The following INPP4B variants were observed in gnomAD, a reference collection of about 807,000 sequenced individuals.
INPP4B encodes inositol polyphosphate 4-phosphatase type II.
A neutral mutation model predicts 122.5 loss-of-function variants in INPP4B; 55 were observed. The observed-to-expected ratio is 0.45, with a 90% CI of 0.36 to 0.56. The LOEUF (loss-of-function observed/expected upper bound fraction) is 0.56. INPP4B is among the 20% of genes least tolerant of loss of function. The probability of loss-of-function intolerance (pLI) is 0.00; values close to 1 mark genes in which losing one functional copy is unlikely to be tolerated. For missense variants in INPP4B, 1,000 were observed against 1,097.7 expected, an observed-to-expected ratio of 0.91 and a Z score of 1.26; for synonymous variants, 403 against 388.7, an observed-to-expected ratio of 1.04 and a Z score of -0.43.
intron 2 of INPP4B, among the ~76,000 whole-genome samples, chr4:142,668,771 G>C (rs761843717): frequency 1.3e-5 from 2 of 152,092 alleles, no homozygotes; most frequent in Non-Finnish European, 2.9e-5. Context: ...GATCATGGCT[G>C]GGCGTGGTGG....
In INPP4B at chr4:142,193,212, C is replaced by A. The variant is rs1453707165; in HGVS notation, c.1073-17G>T. 4.1e-6 allele frequency: 6 copies of A among 1,460,128 alleles called. No individual in the cohort carries two copies. Among genetic ancestry groups the A allele is most frequent in the Non-Finnish European group, 5.8e-6 (6 of 1,040,832 alleles). 90.4% of individuals were successfully genotyped at this position (1,460,128 alleles called of 1,614,324 possible). ...AGAGAGCATCTGGAGTAGAAACAGA[C>A]AAGGAGATGAACACTTTGCAAACAT... On this transcript the variant is annotated splice_polypyrimidine_tract_variant and intron_variant, in intron 14 of 25. Transcript: ENST00000262992.
chr4:142,171,750 G>A (rs1335534318), intron 16 of INPP4B, among the ~76,000 whole-genome samples: 1 of 151,870 alleles, frequency 6.6e-6, no homozygotes, highest in Non-Finnish European at 1.5e-5. Context: ...GACTAAGCTT[G>A]TCTACTCAGT....
chr4:142,191,991 CA>C (rs1183820596), intron 15 of INPP4B, among the ~76,000 whole-genome samples: 1 of 151,660 alleles, frequency 6.6e-6, no homozygotes, highest in Non-Finnish European at 1.5e-5. Context: ...ATCTGGGCAC[CA>C]AAAAACAAAT....
chr4:142,098,846 T>C (rs1029808565), intron 23 of INPP4B, among the ~76,000 whole-genome samples: 3 of 151,996 alleles, frequency 2.0e-5, no homozygotes, highest in African/African-American at 4.8e-5. Flanking sequence ...TGATAGTTAA[T>C]AGCAGGTATT....
chr4:142,538,809 G>A (rs773590050), intron 2 of INPP4B, among the ~76,000 whole-genome samples: 2 of 151,868 alleles, frequency 1.3e-5, no homozygotes, highest in African/African-American at 2.4e-5. Context: ...CAAAACATGT[G>A]TCCTATTGAA....
In INPP4B at chr4:142,031,482, A is replaced by G. The variant is rs981505126; in HGVS notation, c.2643-2568T>C. ...AATATGAATTAGTGTAAAACACCAA[A>G]TCAACCATGTTGTGCTGTGCTCTGT... On this transcript the variant is annotated intron_variant, in intron 25 of 25. Coordinates refer to ENST00000262992, the MANE Select transcript of INPP4B (RefSeq NM_001101669.3). 5.9e-5 allele frequency among the ~76,000 whole-genome samples: 9 copies of G among 152,286 alleles called. No homozygotes were observed. In the South Asian group the frequency reaches 1.5e-3, roughly 25 times the overall value.
chr4:142,646,442 A>G (rs982547087), intron 2 of INPP4B, among the ~76,000 whole-genome samples: 4 of 152,200 alleles, frequency 2.6e-5, no homozygotes, highest in Non-Finnish European at 5.9e-5. Flanking sequence ...TTATAGCAAT[A>G]TTGGAATGTT....
intron 15 of INPP4B, among the ~76,000 whole-genome samples, chr4:142,191,560 C>A (rs1470034193): frequency 6.6e-6 from 1 of 152,182 alleles, no homozygotes; most frequent in Non-Finnish European, 1.5e-5. Context: ...TAACTTCCAA[C>A]TCCCATAAAG....
At chr4:142,181,096 T>C (rs772696675) in intron 15 of INPP4B, among the ~76,000 whole-genome samples, 7 of 152,138 alleles carry the variant, frequency 4.6e-5, no homozygotes, top group Non-Finnish European at 7.3e-5. Context: ...GGAAAAACTA[T>C]TTTGTCTGAG....
intron 16 of INPP4B, among the ~76,000 whole-genome samples, chr4:142,173,174 T>G (rs553478344): frequency 6.6e-6 from 1 of 151,950 alleles, no homozygotes; most frequent in African/African-American, 2.4e-5. Context: ...GAGAGCAAAC[T>G]GAGGCAGAGG....
At chr4:142,635,859 TAA>T (rs1377262101) in intron 2 of INPP4B, among the ~76,000 whole-genome samples, 2 of 151,932 alleles carry the variant, frequency 1.3e-5, no homozygotes, top group African/African-American at 2.4e-5. Flanking sequence ...GAACCTAAAA[TAA>T]AAGTCTAAAA....
intron 25 of INPP4B, among the ~76,000 whole-genome samples, chr4:142,062,914 A>G (rs1166263276): frequency 6.6e-6 from 1 of 152,236 alleles, no homozygotes; most frequent in Non-Finnish European, 1.5e-5. Context: ...CCTCAGGTAC[A>G]TATTCCAAAA....
chr4:142,346,436 A>G (rs140604446), intron 7 of INPP4B, among the ~76,000 whole-genome samples: 237 of 152,182 alleles, frequency 1.6e-3, no homozygotes, highest in African/African-American at 5.5e-3. Flanking sequence ...ACAAGAAATA[A>G]GAGAAATGAA....
chr4:142,601,268 C>T (rs753907269), intron 2 of INPP4B, among the ~76,000 whole-genome samples: 5 of 152,068 alleles, frequency 3.3e-5, no homozygotes, highest in Admixed American at 2.6e-4. Flanking sequence ...CTTATAAGCA[C>T]ATGGAACATT....
chr4:142,316,335 AG>A (rs912408770), intron 7 of INPP4B, among the ~76,000 whole-genome samples: 2 of 152,228 alleles, frequency 1.3e-5, no homozygotes, highest in African/African-American at 4.8e-5. Flanking sequence ...ATTACCATTC[AG>A]TCCATTATCT....
intron 1 of INPP4B, among the ~76,000 whole-genome samples, chr4:142,813,901 T>C (rs1779811538): frequency 6.6e-6 from 1 of 152,156 alleles, no homozygotes; most frequent in Non-Finnish European, 1.5e-5. Context: ...AAAGTCATGA[T>C]ACTAGTTTCT....
intron 8 of INPP4B, among the ~76,000 whole-genome samples, chr4:142,307,365 T>C (rs1763801084): frequency 6.7e-6 from 1 of 148,648 alleles, no homozygotes. Context: ...CCACCTGACA[T>C]ATTATATATT....
At chr4:142,546,126 CT>C (rs1388809168) in intron 2 of INPP4B, among the ~76,000 whole-genome samples, 1 of 151,846 alleles carries the variant, frequency 6.6e-6, no homozygotes, top group Non-Finnish European at 1.5e-5. Context: ...TGTGTCGTTC[CT>C]CTCTATGTGT....
At chr4:142,264,823 G>T (rs913169934) in intron 10 of INPP4B, among the ~76,000 whole-genome samples, 1 of 152,168 alleles carries the variant, frequency 6.6e-6, no homozygotes, top group Admixed American at 6.5e-5. Flanking sequence ...GGAGATAAGG[G>T]CCTATATTAT....
Sources: gnomAD v4.1 joint callset for allele counts (sites outside exome capture counted in the v4.1 genomes callset) on GRCh38, gnomAD v4.1.1 for gene constraint, MANE v1.5 for transcripts, NCBI Gene and HGNC (gene_info 2026-07-23, HGNC 2026-07-21) for gene names.